The following ATP13A2 variants were observed in gnomAD, a reference collection of about 807,000 sequenced individuals.
ATP13A2 encodes ATPase cation transporting 13A2, also known as polyamine-transporting ATPase 13A2.
In ATP13A2, 83 loss-of-function variants were observed where a neutral mutation model predicts 138.3. The observed-to-expected ratio is 0.60, with a 90% confidence interval of 0.50 to 0.72. ATP13A2 has a LOEUF of 0.72. ATP13A2 is among the 30% of genes least tolerant of loss of function. ATP13A2 has a pLI of 0.00. For synonymous variants in ATP13A2, 663 were observed against 699.0 expected (o/e 0.95, Z 0.81); for missense variants, 1,402 against 1,606.4 (o/e 0.87, Z 2.17).
Position 16,986,396 on chromosome 1 carries a change from C to G in ATP13A2, c.3406-38G>C, listed in dbSNP as rs2076723707. On this transcript the variant is annotated intron_variant, in intron 28 of 28. Transcript: ENST00000326735. This position sits in a 1 kb window ranked among gnomAD's most constrained non-coding sequence, Gnocchi z 6.9. ...GGGAGGGTGTCAGGGGCAGCCGGGG[C>G]TGAGCTGGGGTCAATGCACCCCCAC... 6.3e-7 allele frequency: 1 copy of G among 1,596,110 alleles called. No homozygotes were observed. Among genetic ancestry groups the G allele is most frequent in the South Asian group, 1.1e-5 (1 of 89,548 alleles).
At chr1:17,010,851 C>T (rs147862975) in intron 1 of ATP13A2, among the ~76,000 whole-genome samples, 197 of 152,290 alleles carry the variant, frequency 1.3e-3, no homozygotes, top group African/African-American at 4.5e-3. Context: ...GACCTGGCAG[C>T]GGCCCAGGGC....
At chr1:16,988,764 C>G (rs547295452) in intron 23 of ATP13A2, among the ~76,000 whole-genome samples, 80 of 152,180 alleles carry the variant, frequency 5.3e-4, no homozygotes, top group African/African-American at 1.8e-3. Flanking sequence ...TCCCAAGTAG[C>G]TGGGATTACA....
In ATP13A2 at chr1:16,989,988, C is replaced by A. The variant is rs1373957595; in HGVS notation, c.2428G>T (p.Ala810Ser). 2 of 1,610,928 alleles carry A rather than the reference C, an allele frequency of 1.2e-6. No homozygotes were observed. Among genetic ancestry groups the A allele is most frequent in the African/African-American group, 1.3e-5 (1 of 74,896 alleles). Residue 810 changes from alanine to serine, a missense_variant, in exon 22 of 29, where the codon GCA (alanine) becomes TCA (serine). Ala to Ser is a moderately conservative substitution (Grantham distance 99). Transcript: ENST00000326735. ...GGGTCTGGCTCCACGGTGTAGCTTG[C>A]AGCCTGGTCAGGATCCTGGGGGCCC... ...VNGVKDPDQAASYTVEPDPRS... is the reference protein window; with the variant it reads ...VNGVKDPDQASSYTVEPDPRS...
In ATP13A2 at chr1:16,997,187, C is replaced by T. The variant is rs1462312397; in HGVS notation, c.1040-12G>A. 12 of 1,613,284 alleles carry T rather than the reference C, an allele frequency of 7.4e-6. No individual in the cohort carries two copies. The highest frequency in any genetic ancestry group is 2.2e-5 in the South Asian group (2 of 91,088). ...TGGAATGCTCTCTCCTGGTGGGGAA[C>T]GTGGTGTGAGGACCACTCCACACCC... On this transcript the variant is annotated splice_polypyrimidine_tract_variant and intron_variant, in intron 11 of 28. Transcript: ENST00000326735.
In ATP13A2 at chr1:16,997,148, G is replaced by A. The variant is rs779104749; in HGVS notation, c.1067C>T (p.Ala356Val). The A allele has an allele frequency of 6.2e-7, 1 of 1,613,640 alleles. No individual in the cohort carries two copies. Among genetic ancestry groups the A allele is most frequent in the Non-Finnish European group, 8.5e-7 (1 of 1,180,032 alleles). ...GTAGGGCCCCAGCCCCTCCGGCAGT[G>A]CCGTCTTCAGCACTGGAATGCTCTC... is the stretch of plus-strand genomic sequence containing the variant. ...TGESIPVLKTALPEGLGPYCA... is the reference protein window; with the variant it reads ...TGESIPVLKTVLPEGLGPYCA... Residue 356 changes from alanine (A) to valine (V), a missense_variant, in exon 12 of 29, where the codon GCA becomes GTA. Transcript: ENST00000326735.
At chr1:17,001,362 A>T (rs2077350665) in intron 8 of ATP13A2, among the ~76,000 whole-genome samples, 1 of 151,746 alleles carries the variant, frequency 6.6e-6, no homozygotes, top group African/African-American at 2.4e-5. Context: ...CAGGAGGTGG[A>T]CATCGCAGTG....
rs1301604203 is a variant in ATP13A2 at position 17,002,014 on chromosome 1, A to C, written c.705+20T>G. On this transcript the variant is annotated intron_variant, in intron 8 of 28. Transcript: ENST00000326735. ...CAGCACGCCAGGCAGGGCTGGGGCA[A>C]GACCCAGGGACAGCCCTACCTCGTC... The C allele has an allele frequency of 1.9e-6, 3 of 1,602,574 alleles. No individual in the cohort carries two copies. Among genetic ancestry groups the C allele is most frequent in the Middle Eastern group, 3.7e-4 (2 of 5,374 alleles).
At position 17,004,918 on chromosome 1, in the gene ATP13A2, G is replaced by C. The variant is rs150972281; in HGVS notation, c.347+96C>G. 207 of 1,610,752 alleles carry C rather than the reference G, an allele frequency of 1.3e-4. 1 individual carries two copies. The African/African-American group carries it at 2.4e-3, about 19-fold the overall frequency. On this transcript the variant is annotated intron_variant, in intron 4 of 28. Coordinates refer to ENST00000326735, the MANE Select transcript of ATP13A2 (RefSeq NM_022089.4). The surrounding 1 kb of genome is among the most constrained non-coding windows in gnomAD (Gnocchi z 4.1). ...ATCTTCCCTCCCTAGGATGGGAGGC[G>C]CCAGAGTCAGCCTTTATGGGGGGGC...
rs1051675699 is a variant in ATP13A2 at position 17,005,833 on chromosome 1, C to G, written c.11-55G>C. Reference sequence around the variant, plus strand: ...GGGAGGCACCTTCTCCTCTTGCTTCCTTAAAAACAATAAACATCAGCCTGG... The same window carrying G: ...GGGAGGCACCTTCTCCTCTTGCTTCGTTAAAAACAATAAACATCAGCCTGG... On this transcript the variant is annotated intron_variant, in intron 1 of 28. Transcript: ENST00000326735. The G allele has an allele frequency of 2.2e-5, 33 of 1,518,740 alleles. No homozygotes were observed. The Admixed American group carries it at 3.9e-4, about 18-fold the overall frequency. 94.1% of individuals were successfully genotyped at this position (1,518,740 alleles called of 1,614,324 possible).
intron 15 of ATP13A2, among the ~76,000 whole-genome samples, chr1:16,994,379 C>T (rs563363226): frequency 2.7e-5 from 4 of 149,880 alleles, no homozygotes; most frequent in East Asian, 2.0e-4. Context: ...ATTATAGGCA[C>T]GCGCTACCTC....
intron 11 of ATP13A2, 63 bp downstream of exon 11, chr1:16,999,948 G>A (rs1326789964): frequency 1.1e-5 from 16 of 1,499,966 alleles, no homozygotes; most frequent in Admixed American, 5.2e-5. Context: ...AACTTTTGCC[G>A]CAGGGCAAAG....
chr1:16,999,380 C>CAAAAAA (rs67969184), intron 11 of ATP13A2, among the ~76,000 whole-genome samples: 2 of 56,162 alleles, frequency 3.6e-5, no homozygotes, highest in Admixed American at 2.8e-4. Context: ...AACTCCATCT[C>CAAAAAA]AAAAAAAAAA....
At chr1:16,997,427 G>GGGGGGGGGGGGGGGGGGGGT (rs2077178520) in intron 11 of ATP13A2, among the ~76,000 whole-genome samples, 1 of 136,390 alleles carries the variant, frequency 7.3e-6, no homozygotes, top group African/African-American at 2.8e-5. Context: ...GGGGGGGTGG[G>GGGGGGGGGGGGGGGGGGGGT]TCAGACAGAG....
intron 23 of ATP13A2, 56 bp from the exon 24 acceptor site, chr1:16,988,530 T>C (rs2076816176): frequency 1.9e-6 from 3 of 1,611,420 alleles, no homozygotes; most frequent in Non-Finnish European, 2.5e-6. Context: ...ACCCCATGGG[T>C]GGGCTGGCAG....
rs1300682662 is a variant in ATP13A2, at chr1:17,005,361, G to C, written c.288+13C>G. 6.3e-7 allele frequency: 1 copy of C among 1,585,790 alleles called. No individual in the cohort carries two copies. The highest frequency in any genetic ancestry group is 1.8e-5 in the Admixed American group (1 of 54,744). ...CTGCGCTTCTCTAGCCCCAGGCTCA[G>C]CCTGACTCTCACCTCTTTGTCTCTT... is the stretch of plus-strand genomic sequence containing the variant. On this transcript the variant is annotated intron_variant, in intron 3 of 28. Coordinates refer to ENST00000326735, the MANE Select transcript of ATP13A2 (RefSeq NM_022089.4).
chr1:17,005,649 C>A, intron 2 of ATP13A2, 35 bp downstream of exon 2: 1 of 1,613,132 alleles, frequency 6.2e-7, no homozygotes, highest in African/African-American at 1.3e-5. Context: ...CATTCACCCC[C>A]TGCAGCTTTT....
At position 17,000,020 on chromosome 1, in the gene ATP13A2, A is replaced by G. The variant is rs752057793; in HGVS notation, c.1030T>C (p.Ser344Pro). 2 of 1,608,436 alleles carry G rather than the reference A, an allele frequency of 1.2e-6. No homozygotes were observed. The highest frequency in any genetic ancestry group is 2.2e-5 in the South Asian group (2 of 90,432). The change falls in exon 11 of 29, where the codon TCT (serine) becomes CCT (proline). Residue 344 changes from serine (S) to proline (P), a missense_variant. Ser to Pro is a moderately conservative substitution (Grantham distance 74). Coordinates refer to ENST00000326735, the MANE Select transcript of ATP13A2 (RefSeq NM_022089.4). Reference protein sequence around the residue: ...VAGECMVNESSLTGESIPVLK... With the variant: ...VAGECMVNESPLTGESIPVLK... ...GGGGCTGGGGGCTCACCTGTCAGAG[A>G]GCTCTCATTCACCATGCACTCGCCG...
intron 11 of ATP13A2, among the ~76,000 whole-genome samples, chr1:16,998,093 C>G (rs2077210255): frequency 6.6e-6 from 1 of 152,234 alleles, no homozygotes; most frequent in African/African-American, 2.4e-5. Flanking sequence ...GGGAGTCAGA[C>G]AATCCTGCCA....
intron 23 of ATP13A2, 67 bp from the exon 24 acceptor site, chr1:16,988,541 A>C: frequency 1.2e-6 from 2 of 1,607,896 alleles, no homozygotes; most frequent in Non-Finnish European, 1.7e-6. Context: ...GGGCTGGCAG[A>C]ATATGATGAC....
Sources: allele counts gnomAD v4.1 joint callset (sites outside exome capture counted in the v4.1 genomes callset), GRCh38; gene constraint gnomAD v4.1.1; non-coding constraint Gnocchi (gnomAD v3.1); transcripts MANE v1.5; gene names NCBI Gene and HGNC (gene_info 2026-07-23, HGNC 2026-07-21).